The following ANXA13 variants were observed in gnomAD, a reference collection of about 807,000 sequenced individuals.
The protein encoded by ANXA13 is annexin XIII.
In ANXA13, 36 loss-of-function variants were observed where a neutral mutation model predicts 46.6. That is an observed-to-expected ratio of 0.77 (90% CI 0.59 to 1.02). ANXA13 has a LOEUF of 1.02. ANXA13 is among the 50% of genes least tolerant of loss of function. The pLI, the probability that ANXA13 is intolerant of heterozygous loss-of-function variation, is 0.00. For missense variants in ANXA13, 417 were observed against 396.5 expected (o/e 1.05, Z -0.44); for synonymous variants, 163 against 152.9 (o/e 1.07, Z -0.49).
intron 3 of ANXA13, among the ~76,000 whole-genome samples, chr8:123,700,057 A>G (rs1813414213): frequency 6.6e-6 from 1 of 152,216 alleles, no homozygotes; most frequent in Admixed American, 6.5e-5. Flanking sequence ...TTGGCCTGGG[A>G]GAAAAACCCG....
chr8:123,711,359 T>C (rs890168478), intron 2 of ANXA13, among the ~76,000 whole-genome samples: 15 of 152,196 alleles, frequency 9.9e-5, no homozygotes, highest in African/African-American at 3.6e-4. Flanking sequence ...GTGCTTTGGA[T>C]GTCACCCTCT....
chr8:123,712,329 T>G, intron 2 of ANXA13: 2 of 260,670 alleles, frequency 7.7e-6, no homozygotes, highest in Non-Finnish European at 7.5e-6. Flanking sequence ...AAACTCTTTT[T>G]CTTTATAAAT....
intron 9 of ANXA13, among the ~76,000 whole-genome samples, chr8:123,688,632 G>A (rs993639984): frequency 4.6e-5 from 7 of 152,116 alleles, no homozygotes; most frequent in African/African-American, 1.7e-4. Context: ...GTTTGATGTG[G>A]GGTGCAAAAG....
At chr8:123,701,584 C>T (rs544118024) in intron 3 of ANXA13, among the ~76,000 whole-genome samples, 7 of 152,250 alleles carry the variant, frequency 4.6e-5, no homozygotes, top group East Asian at 3.9e-4. Context: ...ATTACATTGA[C>T]GCACCTAATA....
chr8:123,718,071 C>CT (rs1043308964), intron 1 of ANXA13, among the ~76,000 whole-genome samples: 3 of 152,206 alleles, frequency 2.0e-5, no homozygotes, highest in Non-Finnish European at 2.9e-5. Context: ...ACCCCACCGA[C>CT]TTTTTTCGGA....
chr8:123,705,911 T>TTTGGAAAGACAGAGAGGCGAC (rs1813529462), intron 2 of ANXA13, among the ~76,000 whole-genome samples: 1 of 152,182 alleles, frequency 6.6e-6, no homozygotes, highest in East Asian at 1.9e-4. Context: ...CAGAGTCAGC[T>TTTGGAAAGACAGAGAGGCGAC]TTGGAAAGAC....
chr8:123,708,300 C>A (rs569560644), intron 2 of ANXA13, among the ~76,000 whole-genome samples: 1 of 152,312 alleles, frequency 6.6e-6, no homozygotes, highest in East Asian at 1.9e-4. Context: ...CTTGGTTTTG[C>A]TTTTCCGAGA....
At chr8:123,703,353 G>A (rs868175566) in intron 2 of ANXA13, among the ~76,000 whole-genome samples, 7 of 151,784 alleles carry the variant, frequency 4.6e-5, no homozygotes, top group Non-Finnish European at 1.0e-4. Flanking sequence ...TGGGTGGGCT[G>A]CCTAGGGGGA....
intron 3 of ANXA13, 67 bp from the exon 4 acceptor site, chr8:123,698,626 A>T: frequency 6.5e-7 from 1 of 1,538,506 alleles, no homozygotes; most frequent in Non-Finnish European, 8.9e-7. Flanking sequence ...GTCTGCTTGC[A>T]CTATTGCAAG....
intron 9 of ANXA13, among the ~76,000 whole-genome samples, chr8:123,685,283 G>C (rs1175760754): frequency 6.6e-6 from 1 of 152,134 alleles, no homozygotes; most frequent in East Asian, 1.9e-4. Context: ...TGAAATGTTT[G>C]ATCCTTTTTA....
chr8:123,695,420 G>A (rs529956514), intron 6 of ANXA13, 82 bp downstream of exon 6: 210 of 1,031,146 alleles, frequency 2.0e-4, no homozygotes, highest in South Asian at 5.5e-4. Context: ...GTTTATCTAC[G>A]TTACCCTTTT....
intron 4 of ANXA13, among the ~76,000 whole-genome samples, chr8:123,697,505 G>A (rs1472480690): frequency 1.3e-5 from 2 of 152,224 alleles, no homozygotes; most frequent in African/African-American, 4.8e-5. Context: ...GGACCCTGGC[G>A]GCACTTCAGG....
At chr8:123,728,698 G>A (rs1174414241) in intron 1 of ANXA13, 3 of 151,992 alleles carry the variant, frequency 2.0e-5, no homozygotes, top group Non-Finnish European at 2.9e-5. Context: ...AAGGAAACAA[G>A]GTAAAATAGC....
At chr8:123,697,467 C>T (rs1453318625) in intron 4 of ANXA13, among the ~76,000 whole-genome samples, 1 of 152,174 alleles carries the variant, frequency 6.6e-6, no homozygotes, top group Admixed American at 6.5e-5. Flanking sequence ...TCCGGGGATG[C>T]TCCAGAAAAG....
intron 2 of ANXA13, among the ~76,000 whole-genome samples, chr8:123,711,365 C>T (rs763904266): frequency 6.6e-6 from 1 of 152,172 alleles, no homozygotes; most frequent in Non-Finnish European, 1.5e-5. Flanking sequence ...TGGATGTCAC[C>T]CTCTTCCAGG....
At chr8:123,717,753 C>T (rs1237660147) in intron 1 of ANXA13, among the ~76,000 whole-genome samples, 1 of 152,218 alleles carries the variant, frequency 6.6e-6, no homozygotes, top group East Asian at 1.9e-4. Flanking sequence ...GATGGCTGCA[C>T]TCTAGTAGGG....
chr8:123,708,803 G>A (rs970993799), intron 2 of ANXA13, among the ~76,000 whole-genome samples: 1 of 152,154 alleles, frequency 6.6e-6, no homozygotes, highest in African/African-American at 2.4e-5. Flanking sequence ...GGCAGTGTCT[G>A]TTCCTTGCCC....
intron 4 of ANXA13, among the ~76,000 whole-genome samples, chr8:123,697,400 C>G (rs768530511): frequency 6.6e-6 from 1 of 152,112 alleles, no homozygotes; most frequent in Admixed American, 6.5e-5. Context: ...AAGCATCATC[C>G]CAACCTGAGA....
At chr8:123,714,035 T>G (rs1813712238) in intron 1 of ANXA13, among the ~76,000 whole-genome samples, 1 of 152,206 alleles carries the variant, frequency 6.6e-6, no homozygotes, top group South Asian at 2.1e-4. Context: ...CTGGTTTAAG[T>G]GCTACTGGCA....
Sources: allele counts gnomAD v4.1 joint callset (sites outside exome capture counted in the v4.1 genomes callset), GRCh38; gene constraint gnomAD v4.1.1; transcripts MANE v1.5; gene names NCBI Gene and HGNC (gene_info 2026-07-23, HGNC 2026-07-21).